The following ABTB2 variants were observed in gnomAD, a reference collection of about 807,000 sequenced individuals.
ABTB2 encodes ankyrin repeat and BTB/POZ domain-containing protein 2.
A neutral mutation model predicts 104.1 loss-of-function variants in ABTB2; 56 were observed. The ratio of observed to expected loss-of-function variants is 0.54; its 90% CI spans 0.43 to 0.67. ABTB2 has a LOEUF of 0.67. Ranked by LOEUF, ABTB2 falls within the 30% of genes least tolerant of loss-of-function variation. The pLI is 0.00. For missense variants in ABTB2, 1,279 were observed against 1,407.7 expected, an observed-to-expected ratio of 0.91 and a Z score of 1.46; for synonymous variants, 606 against 608.2, an observed-to-expected ratio of 1.00 and a Z score of 0.05.
At chr11:34,192,538 C>T (rs1345582957) in intron 3 of ABTB2, among the ~76,000 whole-genome samples, 1 of 152,220 alleles carries the variant, frequency 6.6e-6, no homozygotes, top group Non-Finnish European at 1.5e-5. Flanking sequence ...CACACTCCTC[C>T]TGTTTTCATG....
intron 1 of ABTB2, among the ~76,000 whole-genome samples, chr11:34,332,989 A>G (rs970437884): frequency 1.3e-5 from 2 of 152,202 alleles, no homozygotes; most frequent in Non-Finnish European, 2.9e-5. Flanking sequence ...GAGGTCAACA[A>G]TGGCCATTCA....
chr11:34,269,200 GT>G (rs1343394941), intron 1 of ABTB2, among the ~76,000 whole-genome samples: 1 of 152,196 alleles, frequency 6.6e-6, no homozygotes. Flanking sequence ...AGGGGGATTG[GT>G]TTTACAAACG....
Position 34,357,703 on chromosome 11 carries a change from C to T in ABTB2, c.-120G>A. 1 of 1,149,732 alleles carries T rather than the reference C, an allele frequency of 8.7e-7. No individual in the cohort carries two copies. Among genetic ancestry groups the T allele is most frequent in the Non-Finnish European group, 1.1e-6 (1 of 884,172 alleles). The allele number at this position is 1,149,732 out of a possible 1,614,324, so 71.2% of individuals were successfully genotyped here. On this transcript the variant is annotated 5_prime_UTR_variant, in exon 1 of 17. Coordinates refer to ENST00000435224, the MANE Select transcript of ABTB2 (RefSeq NM_145804.3). Reference sequence around the variant, plus strand: ...GGGCCACCCTCCTTCCTCTCTGCGTCGCGGGGCTCGGCGGCCGCATTGCCT... The same window carrying T: ...GGGCCACCCTCCTTCCTCTCTGCGTTGCGGGGCTCGGCGGCCGCATTGCCT...
intron 1 of ABTB2, among the ~76,000 whole-genome samples, chr11:34,320,502 G>T (rs1316072737): frequency 4.6e-5 from 7 of 152,170 alleles, no homozygotes; most frequent in African/African-American, 1.4e-4. Flanking sequence ...CAGGTGTACA[G>T]AGATTTATGA....
At position 34,276,222 on chromosome 11, in the gene ABTB2, A is replaced by T. The variant is rs551755380; in HGVS notation, c.884-71532T>A. 3.3e-5 allele frequency among the ~76,000 whole-genome samples: 5 copies of T among 151,956 alleles called. No homozygotes were observed. In the East Asian group the frequency reaches 9.6e-4, roughly 29 times the overall value. On this transcript the variant is annotated intron_variant, in intron 1 of 16. Transcript: ENST00000435224. ...CACCAGTGCTGCTTGTTTGGTTAAA[A>T]AAAAAAAAAAAAGTTCTGATTCGAT...
intron 1 of ABTB2, among the ~76,000 whole-genome samples, chr11:34,253,360 C>G (rs940407070): frequency 3.3e-5 from 5 of 152,172 alleles, no homozygotes; most frequent in African/African-American, 4.8e-5. Flanking sequence ...GAGAAGCCAG[C>G]CCCACTCATT....
intron 1 of ABTB2, among the ~76,000 whole-genome samples, chr11:34,328,137 T>G (rs1008359469): frequency 1.3e-5 from 2 of 152,160 alleles, no homozygotes; most frequent in Non-Finnish European, 2.9e-5. Context: ...GTCAGACAGA[T>G]GGAGAGATCA....
At chr11:34,213,435 G>T (rs940378528) in intron 1 of ABTB2, among the ~76,000 whole-genome samples, 1 of 152,110 alleles carries the variant, frequency 6.6e-6, no homozygotes, top group Admixed American at 6.6e-5. Context: ...AGCCGAGATC[G>T]CTGCCACTGC....
intron 1 of ABTB2, among the ~76,000 whole-genome samples, chr11:34,213,450 C>T (rs1415460290): frequency 6.6e-6 from 1 of 152,196 alleles, no homozygotes; most frequent in Non-Finnish European, 1.5e-5. Flanking sequence ...CACTGCACTC[C>T]AGCCTGGGCA....
intron 3 of ABTB2, among the ~76,000 whole-genome samples, chr11:34,178,062 A>G (rs963657795): frequency 6.6e-6 from 1 of 152,228 alleles, no homozygotes; most frequent in African/African-American, 2.4e-5. Flanking sequence ...GCATTAAATC[A>G]TCTCCTGCTT....
chr11:34,335,209 G>A (rs1202979304), intron 1 of ABTB2: 5 of 1,269,700 alleles, frequency 3.9e-6, no homozygotes, highest in Non-Finnish European at 5.8e-6. Context: ...AGACTATGAC[G>A]AATCACTTTA....
chr11:34,210,047 C>A (rs11032552), intron 1 of ABTB2, among the ~76,000 whole-genome samples: 1 of 151,910 alleles, frequency 6.6e-6, no homozygotes, highest in Non-Finnish European at 1.5e-5. Flanking sequence ...AGTTGCCAAC[C>A]GGGACGTGAG....
chr11:34,238,210 CT>C (rs1386026240), intron 1 of ABTB2, among the ~76,000 whole-genome samples: 2 of 152,294 alleles, frequency 1.3e-5, no homozygotes, highest in Admixed American at 6.5e-5. Context: ...CTTACTGTTC[CT>C]TTTCCTGAAG....
chr11:34,152,360 TGGCCTCGGCA>T lies in ABTB2; in HGVS notation c.*17_*26del, dbSNP rs1324781382. 7.8e-6 allele frequency: 12 copies of T among 1,543,818 alleles called. No individual in the cohort carries two copies. The East Asian group carries it at 2.9e-4, about 38-fold the overall frequency. On this transcript the variant is annotated 3_prime_UTR_variant, in exon 17 of 17. Transcript: ENST00000435224. ...TGGGCCCTGGCACCTCCACAGGCCC[TGGCCTCGGCA>T]GCCTCCGCCCCCTGCCTCACACCCG...
intron 1 of ABTB2, among the ~76,000 whole-genome samples, chr11:34,295,651 C>A (rs1210856370): frequency 1.3e-5 from 2 of 152,124 alleles, no homozygotes; most frequent in Non-Finnish European, 2.9e-5. Flanking sequence ...CTGCTATAAC[C>A]AGTGTCCCAG....
chr11:34,274,729 A>G (rs1417994541), intron 1 of ABTB2, among the ~76,000 whole-genome samples: 1 of 152,142 alleles, frequency 6.6e-6, no homozygotes, highest in Non-Finnish European at 1.5e-5. Context: ...GGTCAGACCA[A>G]TGGTTCTGCA....
intron 1 of ABTB2, among the ~76,000 whole-genome samples, chr11:34,249,808 A>G (rs1301544211): frequency 1.3e-5 from 2 of 152,180 alleles, no homozygotes; most frequent in East Asian, 3.8e-4. Context: ...TGCCTAGCTA[A>G]GTAAATATTT....
chr11:34,310,398 G>C (rs1020875311), intron 1 of ABTB2, among the ~76,000 whole-genome samples: 1 of 151,872 alleles, frequency 6.6e-6, no homozygotes, highest in African/African-American at 2.4e-5. Context: ...TCTGAGTTTC[G>C]AATCAACTTC....
chr11:34,356,219 G>A lies in ABTB2; in HGVS notation c.883+482C>T, dbSNP rs1384707650. ...GATCTTGGGCTTCCCACTTCCCTCC[G>A]CCCATCTTACTTATCCAAGGTTCAG... On this transcript the variant is annotated intron_variant, in intron 1 of 16. Coordinates refer to ENST00000435224, the MANE Select transcript of ABTB2 (RefSeq NM_145804.3). This position sits in a 1 kb window ranked among gnomAD's most constrained non-coding sequence, Gnocchi z 4.6. Among the ~76,000 whole-genome samples the A allele has an allele frequency of 6.6e-6, 1 of 152,246 alleles. No individual in the cohort carries two copies. The highest frequency in any genetic ancestry group is 2.4e-5 in the African/African-American group (1 of 41,548).
Sources: gnomAD v4.1 joint callset for allele counts (sites outside exome capture counted in the v4.1 genomes callset) on GRCh38, gnomAD v4.1.1 for gene constraint, Gnocchi (gnomAD v3.1) non-coding constraint, MANE v1.5 for transcripts, NCBI Gene and HGNC (gene_info 2026-07-23, HGNC 2026-07-21) for gene names.